SBNO2: variants seen among roughly 807,000 people sequenced by gnomAD.
SBNO2 encodes the protein strawberry notch homolog 2.
Under a neutral mutation model 146.3 loss-of-function variants are expected in SBNO2, and 89 were observed. The observed-to-expected ratio is 0.61, with a 90% CI of 0.51 to 0.73. The LOEUF is 0.73. Among genes scored for constraint, SBNO2 ranks in the 30% least tolerant of loss-of-function variants. SBNO2 has a pLI of 0.00. For missense variants in SBNO2, 2,092 were observed against 2,003.7 expected (o/e 1.04, Z -0.84); for synonymous variants, 1,147 against 892.6 (o/e 1.29, Z -5.08).
Position 1,109,733 on chromosome 19 carries a change from C to A in SBNO2, c.3073G>T (p.Val1025Leu), listed in dbSNP as rs778068385. The A allele has an allele frequency of 6.2e-7, 1 of 1,606,908 alleles. No homozygotes were observed. Among genetic ancestry groups the A allele is most frequent in the South Asian group, 1.1e-5 (1 of 90,530 alleles). ...IEEIYEESQQVFLAPGHPQDG... is the reference protein window; with the variant it reads ...IEEIYEESQQLFLAPGHPQDG... ...TGCGGGTGCCCGGGAGCCAGGAACACCTGCTGGCTCTCCTCGTAGATCTCC... is the reference window on the plus strand; with the variant it reads ...TGCGGGTGCCCGGGAGCCAGGAACAACTGCTGGCTCTCCTCGTAGATCTCC... Residue 1025 changes from valine (V) to leucine (L), a missense_variant, in exon 27 of 32, where the codon GTG becomes TTG. Val to Leu is a conservative substitution (Grantham distance 32, BLOSUM62 1). Coordinates refer to ENST00000361757, the MANE Select transcript of SBNO2 (RefSeq NM_014963.3). The surrounding 1 kb of genome is among the most constrained non-coding windows in gnomAD (Gnocchi z 4.2).
Position 1,109,503 on chromosome 19 carries a change from C to T in SBNO2, c.3216+3G>A. 1 of 1,592,962 alleles carries T rather than the reference C, an allele frequency of 6.3e-7. No individual in the cohort carries two copies. ...CTGGGGGGGTAACCCCGCCCGACCCCACCTTGTAGGAGAGGTAGAAGCCGT... is the reference window on the plus strand; with the variant it reads ...CTGGGGGGGTAACCCCGCCCGACCCTACCTTGTAGGAGAGGTAGAAGCCGT... On this transcript the variant is annotated splice_donor_region_variant and intron_variant, in intron 28 of 31. Transcript: ENST00000361757. The surrounding 1 kb of genome is among the most constrained non-coding windows in gnomAD (Gnocchi z 4.2).
chr19:1,163,090 G>A (rs956919118), intron 1 of SBNO2, among the ~76,000 whole-genome samples: 3 of 152,238 alleles, frequency 2.0e-5, no homozygotes, highest in Admixed American at 6.5e-5. Flanking sequence ...GCCAGGGACA[G>A]AGAGGGCACC....
chr19:1,126,344 G>A lies in SBNO2; in HGVS notation c.441+1260C>T, dbSNP rs112410887. Among the ~76,000 whole-genome samples the A allele has an allele frequency of 1.2e-3, 182 of 152,236 alleles. No homozygotes were observed. Among genetic ancestry groups the A allele is most frequent in the Admixed American group, 4.2e-3 (65 of 15,298 alleles). ...CCTGGAAGGCTGAGTCACCATTCCC[G>A]GTGGGGCTGGCGGGCATTGGGTTTC... On this transcript the variant is annotated intron_variant, in intron 5 of 31. Coordinates refer to ENST00000361757, the MANE Select transcript of SBNO2 (RefSeq NM_014963.3). This position sits in a 1 kb window ranked among gnomAD's most constrained non-coding sequence, Gnocchi z 4.4.
At chr19:1,122,394 C>G (rs1483665972) in intron 10 of SBNO2, 74 bp downstream of exon 10, 13 of 1,521,264 alleles carry the variant, frequency 8.5e-6, no homozygotes, top group African/African-American at 1.4e-5. Flanking sequence ...TGCTGGCCCA[C>G]CCAGCTGAGC....
chr19:1,172,184 C>T (rs567094234), intron 1 of SBNO2, among the ~76,000 whole-genome samples: 2 of 152,310 alleles, frequency 1.3e-5, no homozygotes, highest in East Asian at 1.9e-4. Context: ...GGCTGGCAGG[C>T]GCCTTCCAAG....
chr19:1,152,390 C>A (rs2080250767), intron 2 of SBNO2, among the ~76,000 whole-genome samples: 1 of 152,174 alleles, frequency 6.6e-6, no homozygotes, highest in South Asian at 2.1e-4. Flanking sequence ...CTGGATTAGT[C>A]CCCAGGGTGT....
In SBNO2 at chr19:1,144,930, A is replaced by AGAGACAGAGAGG. The variant is rs2080174728; in HGVS notation, c.279+2367_279+2378dup. 6.6e-6 allele frequency among the ~76,000 whole-genome samples: 1 copy of AGAGACAGAGAGG among 150,620 alleles called. No individual in the cohort carries two copies. Among genetic ancestry groups the AGAGACAGAGAGG allele is most frequent in the South Asian group, 2.1e-4 (1 of 4,698 alleles). On this transcript the variant is annotated intron_variant, in intron 4 of 31. Transcript: ENST00000361757. The surrounding 1 kb of genome is among the most constrained non-coding windows in gnomAD (Gnocchi z 4.1). ...GAGATGGAGACAGAGACAGAGAGACAGAGACAGAGAGGGAGACAGAGACAA... is the reference window on the plus strand; with the variant it reads ...GAGATGGAGACAGAGACAGAGAGACAGAGACAGAGAGGGAGACAGAGAGGGAGACAGAGACAA...
At position 1,121,048 on chromosome 19, in the gene SBNO2, C is replaced by T. The variant is rs534863067; in HGVS notation, c.1150-1025G>A. Among the ~76,000 whole-genome samples the T allele has an allele frequency of 3.3e-5, 5 of 152,310 alleles. No individual in the cohort carries two copies. In the South Asian group the frequency reaches 6.2e-4, roughly 19 times the overall value. ...CTGGGATTACAGGTGCGCACCACCACGCCCAGCTAACTTTTGTATTTTTAG... is the reference window on the plus strand; with the variant it reads ...CTGGGATTACAGGTGCGCACCACCATGCCCAGCTAACTTTTGTATTTTTAG... On this transcript the variant is annotated intron_variant, in intron 11 of 31. Transcript: ENST00000361757.
In SBNO2 at chr19:1,157,317, C is replaced by T. The variant is rs893684432; in HGVS notation, c.-126-2915G>A. On this transcript the variant is annotated intron_variant, in intron 1 of 31. Coordinates refer to ENST00000361757, the MANE Select transcript of SBNO2 (RefSeq NM_014963.3). This position sits in a 1 kb window ranked among gnomAD's most constrained non-coding sequence, Gnocchi z 6.8. ...GTCTTGGGGCCTGAGAACACCCCAA[C>T]GCAGCCTCTGCCACGCAGCCCCGGA... Among the ~76,000 whole-genome samples the T allele has an allele frequency of 5.3e-5, 8 of 150,180 alleles. No homozygotes were observed. The highest frequency in any genetic ancestry group is 2.1e-4 in the South Asian group (1 of 4,716).
rs758988648 is a variant in SBNO2, at chr19:1,108,716, G to A, written c.3617-12C>T. On this transcript the variant is annotated splice_polypyrimidine_tract_variant and intron_variant, in intron 31 of 31. Coordinates refer to ENST00000361757, the MANE Select transcript of SBNO2 (RefSeq NM_014963.3). The stretch of plus-strand genomic sequence containing the variant: ...GGGGATCTTGATGCCTGCGGGCAGA[G>A]CGTCGGGGTCAGGGCCGGCGCTGGG... 5 of 1,561,404 alleles carry A rather than the reference G, an allele frequency of 3.2e-6. No homozygotes were observed. Among genetic ancestry groups the A allele is most frequent in the Middle Eastern group, 1.8e-4 (1 of 5,530 alleles).
In SBNO2 at chr19:1,136,758, A is replaced by C. The variant is rs902193065; in HGVS notation, c.280-8993T>G. On this transcript the variant is annotated intron_variant, in intron 4 of 31. Transcript: ENST00000361757. This position sits in a 1 kb window ranked among gnomAD's most constrained non-coding sequence, Gnocchi z 4.2. ...CTGAAACGCATCTGCAGAACAGTCA[A>C]TGCTGCCTGCCTCCCTGCCTGAAAG... 6.6e-6 allele frequency among the ~76,000 whole-genome samples: 1 copy of C among 152,156 alleles called. No individual in the cohort carries two copies. Among genetic ancestry groups the C allele is most frequent in the Non-Finnish European group, 1.5e-5 (1 of 68,014 alleles).
At chr19:1,165,310 C>T (rs957528241) in intron 1 of SBNO2, among the ~76,000 whole-genome samples, 1 of 152,142 alleles carries the variant, frequency 6.6e-6, no homozygotes, top group Non-Finnish European at 1.5e-5. Flanking sequence ...TGGGGAGGGG[C>T]CTTGGTGCTT....
intron 17 of SBNO2, 36 bp downstream of exon 17, chr19:1,115,985 G>T: frequency 6.6e-7 from 1 of 1,525,322 alleles, no homozygotes. Context: ...AAGCAGAGGG[G>T]CAGGGGTGGG....
In SBNO2 at chr19:1,122,277, C is replaced by A; in HGVS notation, c.1011G>T (p.Lys337Asn). 1 of 1,563,152 alleles carries A rather than the reference C, an allele frequency of 6.4e-7. No individual in the cohort carries two copies. Among genetic ancestry groups the A allele is most frequent in the Non-Finnish European group, 8.7e-7 (1 of 1,153,844 alleles). Residue 337 changes from lysine (K) to asparagine (N), a missense_variant, in exon 11 of 32, where the codon AAG (lysine) becomes AAT (asparagine). Physicochemically the swap from Lys to Asn is moderately conservative, Grantham distance 94. Coordinates refer to ENST00000361757, the MANE Select transcript of SBNO2 (RefSeq NM_014963.3). The part of the protein sequence containing the change: ...GIAVHALSKI[K>N]YGDTTTSEGV... ...CCTCTGAGGTAGTGGTGTCACCGTA[C>A]TTGATCTGGGGATGCACAGAACAGG...
intron 3 of SBNO2, among the ~76,000 whole-genome samples, chr19:1,148,383 C>T (rs1327651889): frequency 1.3e-5 from 2 of 152,018 alleles, no homozygotes; most frequent in East Asian, 3.9e-4. Context: ...GCCCTTTGCA[C>T]AGCCTGCTCG....
At chr19:1,153,969 G>A (rs944173000) in intron 2 of SBNO2, among the ~76,000 whole-genome samples, 11 of 152,248 alleles carry the variant, frequency 7.2e-5, no homozygotes, top group African/African-American at 2.4e-4. Context: ...TTGAAAAGCT[G>A]GGGCCATGAG....
intron 9 of SBNO2, 27 bp downstream of exon 9, chr19:1,122,631 C>G: frequency 3.3e-6 from 5 of 1,520,786 alleles, no homozygotes; most frequent in Non-Finnish European, 4.4e-6. Context: ...CCCCCGCTCC[C>G]GCCCCCTGCC....
At position 1,140,649 on chromosome 19, in the gene SBNO2, G is replaced by T. The variant is rs932922445; in HGVS notation, c.279+6660C>A. Among the ~76,000 whole-genome samples, 1 of 152,164 alleles carries T rather than the reference G, an allele frequency of 6.6e-6. No individual in the cohort carries two copies. Among genetic ancestry groups the T allele is most frequent in the Non-Finnish European group, 1.5e-5 (1 of 68,010 alleles). On this transcript the variant is annotated intron_variant, in intron 4 of 31. Coordinates refer to ENST00000361757, the MANE Select transcript of SBNO2 (RefSeq NM_014963.3). The surrounding 1 kb of genome is among the most constrained non-coding windows in gnomAD (Gnocchi z 4.4). ...AGCAGGCAGAGAGCGGGGAAGGGGTGGGGGTCCCACACAGACCCAGCCGTC... is the reference window on the plus strand; with the variant it reads ...AGCAGGCAGAGAGCGGGGAAGGGGTTGGGGTCCCACACAGACCCAGCCGTC...
In SBNO2 at chr19:1,157,446, C is replaced by T. The variant is rs989130579; in HGVS notation, c.-126-3044G>A. Among the ~76,000 whole-genome samples the T allele has an allele frequency of 5.3e-5, 8 of 152,132 alleles. No individual in the cohort carries two copies. Among genetic ancestry groups the T allele is most frequent in the Admixed American group, 1.3e-4 (2 of 15,274 alleles). ...CTCTCCCCACGCGGCCCCGGTGACA[C>T]GGCCCACCCCGAGCCTCAGAGCCAC... On this transcript the variant is annotated intron_variant, in intron 1 of 31. Transcript: ENST00000361757. The surrounding 1 kb of genome is among the most constrained non-coding windows in gnomAD (Gnocchi z 6.8).
Sources: allele counts gnomAD v4.1 joint callset (sites outside exome capture counted in the v4.1 genomes callset), GRCh38; gene constraint gnomAD v4.1.1; non-coding constraint Gnocchi (gnomAD v3.1); transcripts MANE v1.5; gene names NCBI Gene and HGNC (gene_info 2026-07-23, HGNC 2026-07-21).